The following M1AP variants were observed in gnomAD, a reference collection of about 807,000 sequenced individuals.
M1AP encodes meiosis 1 associated protein.
A neutral mutation model predicts 51.2 loss-of-function variants in M1AP; 39 were observed. The ratio of observed to expected loss-of-function variants is 0.76; its 90% confidence interval spans 0.59 to 1.00. The LOEUF (loss-of-function observed/expected upper bound fraction) is 1.00, where lower values mean the gene tolerates loss of function less well. Among genes scored for constraint, M1AP ranks in the 50% least tolerant of loss-of-function variants. The probability of loss-of-function intolerance (pLI) is 0.00; values close to 1 mark genes in which losing one functional copy is unlikely to be tolerated. For missense variants in M1AP, 545 were observed against 641.2 expected (o/e 0.85, Z 1.62); for synonymous variants, 251 against 249.2 (o/e 1.01, Z -0.07).
intron 2 of M1AP, among the ~76,000 whole-genome samples, chr2:74,625,142 C>T (rs1387998730): frequency 1.3e-5 from 2 of 152,142 alleles, no homozygotes; most frequent in Admixed American, 1.3e-4. Context: ...AGTGACATCT[C>T]TGCATATTTG....
At chr2:74,615,647 TA>T (rs1681623969) in intron 2 of M1AP, 1 of 155,266 alleles carries the variant, frequency 6.4e-6, no homozygotes, top group Non-Finnish European at 1.4e-5. Context: ...ATAACTTCAG[TA>T]AAGAAGAGAT....
chr2:74,576,352 G>A, intron 6 of M1AP, 104 bp downstream of exon 6: 1 of 1,255,878 alleles, frequency 8.0e-7, no homozygotes, highest in Non-Finnish European at 1.1e-6. Flanking sequence ...ACTGACTCTT[G>A]CCTGCCTGAC....
intron 2 of M1AP, among the ~76,000 whole-genome samples, chr2:74,632,550 A>G (rs1245929077): frequency 2.0e-5 from 3 of 152,066 alleles, no homozygotes; most frequent in Non-Finnish European, 4.4e-5. Context: ...GGGTGCATAA[A>G]ATTGCTAGAG....
chr2:74,584,805 CATATAT>C (rs57709358), intron 4 of M1AP, among the ~76,000 whole-genome samples: 13 of 139,288 alleles, frequency 9.3e-5, no homozygotes, highest in East Asian at 6.2e-4. Flanking sequence ...ATGTTATTGC[CATATAT>C]ATATATATAT....
Position 74,609,315 on chromosome 2 carries a change from C to T in M1AP, c.427-2092G>A, listed in dbSNP as rs190352343. On this transcript the variant is annotated intron_variant, in intron 3 of 10. Coordinates refer to ENST00000421985, the MANE Select transcript of M1AP (RefSeq NM_001321739.2). ...ATGAGTGAGATCATGCAGTACTCGTCCTTCTGTGCCTGGCTTATTTCACTT... is the reference window on the plus strand; with the variant it reads ...ATGAGTGAGATCATGCAGTACTCGTTCTTCTGTGCCTGGCTTATTTCACTT... Among the ~76,000 whole-genome samples, 208 of 152,284 alleles carry T rather than the reference C, an allele frequency of 1.4e-3. 1 individual carries two copies. The Middle Eastern group carries it at 0.017, about 12-fold the overall frequency.
intron 4 of M1AP, 75 bp from the exon 5 acceptor site, chr2:74,581,922 T>C (rs1679431636): frequency 2.2e-6 from 3 of 1,394,988 alleles, no homozygotes; most frequent in Non-Finnish European, 3.0e-6. Context: ...AACACATCCA[T>C]CTTTTCTTTT....
rs2104877437 is a variant in M1AP, at chr2:74,648,309, C to G, written c.-97G>C. On this transcript the variant is annotated 5_prime_UTR_variant, in exon 1 of 11. Transcript: ENST00000421985. Reference sequence around the variant, plus strand: ...GCCCCCTCACCTGGTCCTCCCGGCTCTCAGCGTGCGCCCGCGCGTTCGGAG... The same window carrying G: ...GCCCCCTCACCTGGTCCTCCCGGCTGTCAGCGTGCGCCCGCGCGTTCGGAG... 1.4e-5 allele frequency: 14 copies of G among 985,576 alleles called. No homozygotes were observed. Among genetic ancestry groups the G allele is most frequent in the African/African-American group, 1.7e-5 (1 of 57,372 alleles). 61.1% of individuals were successfully genotyped at this position (985,576 alleles called of 1,614,324 possible). A position where few individuals can be genotyped will look rare whatever the true frequency, so the allele number is the denominator to read the frequency against.
chr2:74,607,985 T>G (rs989995065), intron 3 of M1AP, among the ~76,000 whole-genome samples: 1 of 152,192 alleles, frequency 6.6e-6, no homozygotes, highest in Admixed American at 6.5e-5. Flanking sequence ...GGTACAGAGA[T>G]AGCCCATATA....
chr2:74,609,088 C>T (rs1021685408), intron 3 of M1AP, among the ~76,000 whole-genome samples: 1 of 152,104 alleles, frequency 6.6e-6, no homozygotes, highest in African/African-American at 2.4e-5. Context: ...ATTCAAAATC[C>T]TCTCTGCTAT....
chr2:74,570,593 C>G (rs1022667451), intron 7 of M1AP, among the ~76,000 whole-genome samples: 34 of 152,166 alleles, frequency 2.2e-4, no homozygotes, highest in African/African-American at 5.6e-4. Context: ...AGCTCCCATT[C>G]AAGAAGTACC....
chr2:74,647,440 T>C (rs1439238842), intron 1 of M1AP: 4 of 979,212 alleles, frequency 4.1e-6, no homozygotes, highest in Non-Finnish European at 4.9e-6. Flanking sequence ...TCGTGGGCCC[T>C]AAGGCACTTT....
At chr2:74,579,790 T>C (rs535932453) in intron 5 of M1AP, among the ~76,000 whole-genome samples, 19 of 151,682 alleles carry the variant, frequency 1.3e-4, no homozygotes, top group South Asian at 8.3e-4. Context: ...TTCTTTTTTT[T>C]AAAAAAAAAT....
chr2:74,594,394 TAAAAAATG>T (rs1680209237), intron 4 of M1AP, among the ~76,000 whole-genome samples: 1 of 152,020 alleles, frequency 6.6e-6, no homozygotes, highest in Non-Finnish European at 1.5e-5. Context: ...AATATGTTCA[TAAAAAATG>T]AAAAGATAGG....
chr2:74,575,935 C>A (rs1679037641), intron 6 of M1AP, among the ~76,000 whole-genome samples: 1 of 152,180 alleles, frequency 6.6e-6, no homozygotes, highest in Non-Finnish European at 1.5e-5. Context: ...TCACTGCAGC[C>A]TTGAACTCTT....
chr2:74,599,924 G>C (rs1193088788), intron 4 of M1AP, among the ~76,000 whole-genome samples: 1 of 150,952 alleles, frequency 6.6e-6, no homozygotes, highest in Non-Finnish European at 1.5e-5. Context: ...TTAAACTACT[G>C]AGCTCAGGAG....
At chr2:74,615,405 A>G in intron 2 of M1AP, 1 of 423,984 alleles carries the variant, frequency 2.4e-6, no homozygotes, top group South Asian at 2.7e-5. Flanking sequence ...AAGTGTTTTA[A>G]CTCATTCACT....
At chr2:74,604,251 T>A (rs910596077) in intron 4 of M1AP, among the ~76,000 whole-genome samples, 5 of 152,122 alleles carry the variant, frequency 3.3e-5, no homozygotes, top group Non-Finnish European at 5.9e-5. Flanking sequence ...CATATCTTGC[T>A]TCTCATGTCT....
At chr2:74,612,143 G>A (rs1681402349) in intron 3 of M1AP, among the ~76,000 whole-genome samples, 1 of 151,608 alleles carries the variant, frequency 6.6e-6, no homozygotes, top group African/African-American at 2.4e-5. Flanking sequence ...TACCCGCCTG[G>A]GCCTCCCAAA....
At chr2:74,618,051 C>T (rs1426247519) in intron 2 of M1AP, among the ~76,000 whole-genome samples, 1 of 152,150 alleles carries the variant, frequency 6.6e-6, no homozygotes. Context: ...AAATTTGAAG[C>T]TACAGTCTTA....
Sources: allele counts gnomAD v4.1 joint callset (sites outside exome capture counted in the v4.1 genomes callset), GRCh38; gene constraint gnomAD v4.1.1; transcripts MANE v1.5; gene names NCBI Gene and HGNC (gene_info 2026-07-23, HGNC 2026-07-21).